The following ATXN7L1 variants were observed in gnomAD, a reference collection of about 807,000 sequenced individuals.
ATXN7L1 encodes the protein ataxin 7 like 1, also known as ataxin-7-like protein 1.
Under a neutral mutation model 70.8 loss-of-function variants are expected in ATXN7L1, and 15 were observed. The observed-to-expected ratio is 0.21, with a 90% CI of 0.14 to 0.33. ATXN7L1 has a LOEUF of 0.33. Ranked by LOEUF, ATXN7L1 falls within the 10% of genes least tolerant of loss-of-function variation. The probability of loss-of-function intolerance (pLI) is 1.00; values close to 1 mark genes in which losing one functional copy is unlikely to be tolerated. For missense variants in ATXN7L1, 975 were observed against 1,097.1 expected (o/e 0.89, Z 1.57); for synonymous variants, 440 against 445.1 (o/e 0.99, Z 0.14).
At chr7:105,853,643 A>C (rs528875533) in intron 2 of ATXN7L1, among the ~76,000 whole-genome samples, 5 of 152,102 alleles carry the variant, frequency 3.3e-5, no homozygotes, top group Non-Finnish European at 7.4e-5. Flanking sequence ...GGGCGCCTGT[A>C]ATCCCAGTTA....
At chr7:105,672,281 G>A (rs1041417932) in intron 3 of ATXN7L1, among the ~76,000 whole-genome samples, 2 of 151,908 alleles carry the variant, frequency 1.3e-5, no homozygotes, top group East Asian at 1.9e-4. Context: ...GTGAGACTCC[G>A]TCCCCTGCCC....
At chr7:105,616,922 A>G (rs563229196) in intron 9 of ATXN7L1, among the ~76,000 whole-genome samples, 1 of 152,348 alleles carries the variant, frequency 6.6e-6, no homozygotes, top group African/African-American at 2.4e-5. Flanking sequence ...ATAGAAATAC[A>G]TGTGGGCAGA....
At chr7:105,642,079 T>C (rs945231567) in intron 5 of ATXN7L1, among the ~76,000 whole-genome samples, 14 of 152,338 alleles carry the variant, frequency 9.2e-5, no homozygotes, top group Non-Finnish European at 1.6e-4. Flanking sequence ...TAGCTTCTCC[T>C]GGTCTTTTGG....
At chr7:105,802,954 G>A (rs1807037519) in intron 2 of ATXN7L1, among the ~76,000 whole-genome samples, 1 of 152,242 alleles carries the variant, frequency 6.6e-6, no homozygotes, top group Non-Finnish European at 1.5e-5. Context: ...GCTGGGGTCA[G>A]GGCTGGGTAT....
rs200898076 is a variant in ATXN7L1 at position 105,645,849 on chromosome 7, A to AAACAAACG, written c.579-2729_579-2728insCGTTTGTT. ...CAAACAAACAAACAAACAAACAAAC[A>AAACAAACG]AACAGAAATTAGCCAGGGGTGGTGG... is the stretch of plus-strand genomic sequence containing the variant. On this transcript the variant is annotated intron_variant, in intron 4 of 11. Coordinates refer to ENST00000419735, the MANE Select transcript of ATXN7L1 (RefSeq NM_020725.2). Among the ~76,000 whole-genome samples the AAACAAACG allele has an allele frequency of 2.7e-4, 41 of 150,746 alleles. No individual in the cohort carries two copies. In the East Asian group the frequency reaches 8.0e-3, roughly 29 times the overall value.
chr7:105,742,770 G>C lies in ATXN7L1; in HGVS notation c.355+45834C>G, dbSNP rs1407877590. Among the ~76,000 whole-genome samples, 5 of 152,256 alleles carry C rather than the reference G, an allele frequency of 3.3e-5. No individual in the cohort carries two copies. In the South Asian group the frequency reaches 1.0e-3, roughly 32 times the overall value. ...TTTATTTTCCATATTCATACTTCCAGGGAAGCTATTTTAATTTTAAACATA... is the reference window on the plus strand; with the variant it reads ...TTTATTTTCCATATTCATACTTCCACGGAAGCTATTTTAATTTTAAACATA... On this transcript the variant is annotated intron_variant, in intron 3 of 11. Transcript: ENST00000419735.
intron 3 of ATXN7L1, among the ~76,000 whole-genome samples, chr7:105,668,597 T>C (rs1803021924): frequency 6.6e-6 from 1 of 152,164 alleles, no homozygotes; most frequent in South Asian, 2.1e-4. Flanking sequence ...AATTTTTATA[T>C]TTTTAGTAGA....
At chr7:105,740,105 T>C (rs927255769) in intron 3 of ATXN7L1, among the ~76,000 whole-genome samples, 6 of 152,236 alleles carry the variant, frequency 3.9e-5, no homozygotes, top group Admixed American at 3.9e-4. Flanking sequence ...GCTGATTTCA[T>C]GATACACTAG....
chr7:105,661,202 A>C (rs1681039455), intron 4 of ATXN7L1, among the ~76,000 whole-genome samples: 1 of 152,216 alleles, frequency 6.6e-6, no homozygotes, highest in African/African-American at 2.4e-5. Flanking sequence ...GTGTGACACC[A>C]GTGGGCCCTG....
At chr7:105,831,575 T>C (rs982198010) in intron 2 of ATXN7L1, among the ~76,000 whole-genome samples, 2 of 152,070 alleles carry the variant, frequency 1.3e-5, no homozygotes, top group African/African-American at 2.4e-5. Flanking sequence ...ATCTCTACTC[T>C]CTCCTGAAGC....
intron 4 of ATXN7L1, among the ~76,000 whole-genome samples, chr7:105,648,104 G>T (rs889347864): frequency 2.0e-5 from 3 of 152,210 alleles, no homozygotes; most frequent in African/African-American, 7.2e-5. Context: ...AGTTGGTAAG[G>T]GGCTGGGCCA....
chr7:105,794,843 G>A (rs1805756816), intron 2 of ATXN7L1, among the ~76,000 whole-genome samples: 1 of 152,166 alleles, frequency 6.6e-6, no homozygotes, highest in Non-Finnish European at 1.5e-5. Context: ...GATTATTCAG[G>A]AGATTACTCA....
intron 3 of ATXN7L1, among the ~76,000 whole-genome samples, chr7:105,686,729 T>C (rs1352386901): frequency 6.6e-6 from 1 of 152,238 alleles, no homozygotes; most frequent in African/African-American, 2.4e-5. Flanking sequence ...AATGGTTACA[T>C]GGGTACTTAA....
At position 105,845,255 on chromosome 7, in the gene ATXN7L1, C is replaced by A. The variant is rs191202143; in HGVS notation, c.250+30557G>T. On this transcript the variant is annotated intron_variant, in intron 2 of 11. Transcript: ENST00000419735. ...AAATCAGTTCAGTTGTATTTCTACA[C>A]ACTAGCAATGGACAATCAGTAAAAT... Among the ~76,000 whole-genome samples, 4 of 140,696 alleles carry A rather than the reference C, an allele frequency of 2.8e-5. No homozygotes were observed. In the East Asian group the frequency reaches 8.0e-4, roughly 28 times the overall value. The allele number at this position is 140,696 out of a possible 152,430, so 92.3% of individuals were successfully genotyped here. A position where few individuals can be genotyped will look rare whatever the true frequency, so the allele number is the denominator to read the frequency against.
chr7:105,871,861 G>A (rs2116680371), intron 2 of ATXN7L1, among the ~76,000 whole-genome samples: 1 of 152,214 alleles, frequency 6.6e-6, no homozygotes, highest in Admixed American at 6.5e-5. Context: ...TGAAAGAAAT[G>A]GAAAGAATTG....
chr7:105,696,370 A>T (rs1791703630), intron 3 of ATXN7L1, among the ~76,000 whole-genome samples: 1 of 152,250 alleles, frequency 6.6e-6, no homozygotes, highest in Non-Finnish European at 1.5e-5. Flanking sequence ...TAGGTGAATC[A>T]GAACAGTCTT....
At position 105,821,331 on chromosome 7, in the gene ATXN7L1, G is replaced by A. The variant is rs146477893; in HGVS notation, c.251-32623C>T. ...TGCGATTACAGGCGTGAGCCACCAC[G>A]CCTGGCTGAAACCTCTGTTTTTATA... On this transcript the variant is annotated intron_variant, in intron 2 of 11. Coordinates refer to ENST00000419735, the MANE Select transcript of ATXN7L1 (RefSeq NM_020725.2). Among the ~76,000 whole-genome samples, 200 of 152,248 alleles carry A rather than the reference G, an allele frequency of 1.3e-3. 2 individuals are homozygous for A. The highest frequency in any genetic ancestry group is 4.3e-3 in the African/African-American group (180 of 41,556).
At chr7:105,865,918 T>A (rs1817399474) in intron 2 of ATXN7L1, among the ~76,000 whole-genome samples, 3 of 152,132 alleles carry the variant, frequency 2.0e-5, no homozygotes. Flanking sequence ...CTCTAGGAAC[T>A]TCATTATACA....
chr7:105,630,641 G>A (rs1256816209), intron 7 of ATXN7L1, among the ~76,000 whole-genome samples: 2 of 151,992 alleles, frequency 1.3e-5, no homozygotes, highest in Admixed American at 6.6e-5. Context: ...AGGATTGCTT[G>A]AGCCTGGGAA....
Sources: gnomAD v4.1 joint callset for allele counts (sites outside exome capture counted in the v4.1 genomes callset) on GRCh38, gnomAD v4.1.1 for gene constraint, MANE v1.5 for transcripts, NCBI Gene and HGNC (gene_info 2026-07-23, HGNC 2026-07-21) for gene names.